Variants in RERE observed in about 807,000 individuals in gnomAD.
RERE encodes arginine-glutamic acid dipeptide repeats, also known as arginine-glutamic acid dipeptide repeats protein.
In RERE, 40 loss-of-function variants were observed where a neutral mutation model predicts 146.1. That is an observed-to-expected ratio of 0.27 (90% confidence interval 0.21 to 0.36). The LOEUF is 0.36. Among genes scored for constraint, RERE ranks in the 10% least tolerant of loss-of-function variants. The pLI is 1.00. For missense variants in RERE, 1,933 were observed against 2,138.7 expected, an observed-to-expected ratio of 0.90 and a Z score of 1.90; for synonymous variants, 1,003 against 866.0, an observed-to-expected ratio of 1.16 and a Z score of -2.78.
intron 4 of RERE, among the ~76,000 whole-genome samples, chr1:8,570,552 T>G (rs1343866803): frequency 6.6e-6 from 1 of 152,176 alleles, no homozygotes; most frequent in East Asian, 1.9e-4. Context: ...CATATCTACT[T>G]CTGCTTCTGT....
At chr1:8,446,974 G>A (rs1288940249) in intron 11 of RERE, among the ~76,000 whole-genome samples, 7 of 151,680 alleles carry the variant, frequency 4.6e-5, no homozygotes, top group Admixed American at 2.0e-4. Flanking sequence ...CCACTGTGCC[G>A]GGCCTGTTCA....
In RERE at chr1:8,575,552, TATA is replaced by T. The variant is rs1236700585; in HGVS notation, c.523-18032_523-18030del. Reference sequence around the variant, plus strand: ...CTAATTTAATATATATATATATATATATATATATATTTTTTTTTTTTTTGGCAG... The same window carrying T: ...CTAATTTAATATATATATATATATATTATATATTTTTTTTTTTTTTGGCAG... On this transcript the variant is annotated intron_variant, in intron 4 of 22. Transcript: ENST00000400908. Among the ~76,000 whole-genome samples, 54 of 77,282 alleles carry T rather than the reference TATA, an allele frequency of 7.0e-4. 1 individual carries two copies. Among genetic ancestry groups the T allele is most frequent in the African/African-American group, 1.5e-3 (26 of 17,038 alleles). The allele number at this position is 77,282 out of a possible 152,430, so 50.7% of individuals were successfully genotyped here.
At chr1:8,485,091 G>A (rs1409375259) in intron 10 of RERE, among the ~76,000 whole-genome samples, 2 of 152,268 alleles carry the variant, frequency 1.3e-5, no homozygotes, top group African/African-American at 4.8e-5. Context: ...GCCGGATCCG[G>A]TGGCTTACTC....
At chr1:8,617,687 T>C (rs1227857442) in intron 3 of RERE, among the ~76,000 whole-genome samples, 3 of 152,136 alleles carry the variant, frequency 2.0e-5, no homozygotes, top group African/African-American at 7.2e-5. Flanking sequence ...GAACAAATCA[T>C]CATAGCGTAA....
At chr1:8,632,955 T>C (rs974540659) in intron 2 of RERE, among the ~76,000 whole-genome samples, 1 of 152,224 alleles carries the variant, frequency 6.6e-6, no homozygotes, top group Non-Finnish European at 1.5e-5. Context: ...TTTAAAAACA[T>C]ACTCTTGGAT....
intron 4 of RERE, among the ~76,000 whole-genome samples, chr1:8,566,389 A>G (rs1051354680): frequency 1.3e-5 from 2 of 152,220 alleles, no homozygotes; most frequent in Non-Finnish European, 2.9e-5. Context: ...TGGGAGGCCA[A>G]GGCAGGTGGA....
At chr1:8,503,120 A>G (rs1285241393) in intron 8 of RERE, among the ~76,000 whole-genome samples, 2 of 151,732 alleles carry the variant, frequency 1.3e-5, no homozygotes, top group Non-Finnish European at 2.9e-5. Context: ...ATAAATAAAT[A>G]AATAAATAAA....
intron 1 of RERE, among the ~76,000 whole-genome samples, chr1:8,783,462 C>T (rs530404325): frequency 6.6e-6 from 1 of 152,320 alleles, no homozygotes; most frequent in Admixed American, 6.5e-5. Flanking sequence ...GAATTATTAT[C>T]ATGATAGCCT....
Position 8,358,860 on chromosome 1 carries a change from A to T in RERE, c.3675T>A (p.Pro1225=), listed in dbSNP as rs12047953. The change falls in exon 20 of 23, where the codon CCT becomes CCA. Residue 1225 remains proline (P), a synonymous_variant. Transcript: ENST00000400908. ...GRLSDPQLSG[P]GHMRPSFEPP... ...GCTCGAAGGATGGCCGCATGTGGCCAGGACCACTGAGCTGTGGGTCACTGA... is the reference window on the plus strand; with the variant it reads ...GCTCGAAGGATGGCCGCATGTGGCCTGGACCACTGAGCTGTGGGTCACTGA... 18 of 1,592,812 alleles carry T rather than the reference A, an allele frequency of 1.1e-5. No individual in the cohort carries two copies. The highest frequency in any genetic ancestry group is 1.5e-5 in the Non-Finnish European group (18 of 1,168,372).
At chr1:8,546,225 C>A (rs1350597378) in intron 6 of RERE, among the ~76,000 whole-genome samples, 1 of 151,164 alleles carries the variant, frequency 6.6e-6, no homozygotes, top group Non-Finnish European at 1.5e-5. Context: ...AAGCAATCTG[C>A]CCAGCTTGGC....
chr1:8,547,567 T>C (rs958277982), intron 6 of RERE, among the ~76,000 whole-genome samples: 3 of 151,942 alleles, frequency 2.0e-5, no homozygotes, highest in East Asian at 3.9e-4. Context: ...GAAAACCCAA[T>C]AGAAAATACA....
intron 1 of RERE, among the ~76,000 whole-genome samples, chr1:8,719,926 G>C (rs1362985830): frequency 6.6e-6 from 1 of 152,000 alleles, no homozygotes; most frequent in East Asian, 1.9e-4. Context: ...TCAGGGCATG[G>C]AGCACGTTTG....
At chr1:8,528,658 C>T (rs989143345) in intron 7 of RERE, among the ~76,000 whole-genome samples, 1 of 152,198 alleles carries the variant, frequency 6.6e-6, no homozygotes, top group East Asian at 1.9e-4. Context: ...AATACTGGAA[C>T]GTTTTAGATT....
At chr1:8,727,864 A>G (rs1362413184) in intron 1 of RERE, among the ~76,000 whole-genome samples, 1 of 152,224 alleles carries the variant, frequency 6.6e-6, no homozygotes, top group East Asian at 1.9e-4. Context: ...AGAATCTTCT[A>G]ATTTGCTTAT....
chr1:8,733,752 G>C (rs1386234730), intron 1 of RERE, among the ~76,000 whole-genome samples: 1 of 152,214 alleles, frequency 6.6e-6, no homozygotes. Context: ...AACAAATGCT[G>C]AATGTTGTTT....
At chr1:8,683,691 C>T (rs2124402028) in intron 1 of RERE, among the ~76,000 whole-genome samples, 1 of 152,108 alleles carries the variant, frequency 6.6e-6, no homozygotes, top group Admixed American at 6.6e-5. Flanking sequence ...GTCTGTAAAC[C>T]CAGCACTTTG....
intron 11 of RERE, among the ~76,000 whole-genome samples, chr1:8,434,090 C>G (rs1393375801): frequency 7.4e-4 from 112 of 152,280 alleles, no homozygotes; most frequent in Non-Finnish European, 1.5e-4. Context: ...TAATGGACAG[C>G]TCCTGGTTTA....
intron 4 of RERE, among the ~76,000 whole-genome samples, chr1:8,605,533 G>A (rs1251539007): frequency 2.0e-5 from 3 of 152,006 alleles, no homozygotes; most frequent in Non-Finnish European, 4.4e-5. Context: ...TGGATCACCT[G>A]AGGTCAGGAC....
At chr1:8,474,505 C>A (rs930462191) in intron 10 of RERE, among the ~76,000 whole-genome samples, 2 of 152,298 alleles carry the variant, frequency 1.3e-5, no homozygotes, top group Non-Finnish European at 1.5e-5. Flanking sequence ...ATAAACTCTG[C>A]GTATTACCAC....
Sources: allele counts gnomAD v4.1 joint callset (sites outside exome capture counted in the v4.1 genomes callset), GRCh38; gene constraint gnomAD v4.1.1; transcripts MANE v1.5; gene names NCBI Gene and HGNC (gene_info 2026-07-23, HGNC 2026-07-21).